Variants in NWD1 observed in about 807,000 individuals in gnomAD.
The protein encoded by NWD1 is NACHT and WD repeat domain containing 1.
NWD1 carries 129 observed loss-of-function variants against 135.1 expected under a neutral mutation model. That is an observed-to-expected ratio of 0.96 (90% CI 0.83 to 1.11). The LOEUF is 1.11. Among genes scored for constraint, NWD1 ranks in the 50% least tolerant of loss-of-function variants. NWD1 has a pLI of 0.00. For synonymous variants in NWD1, 773 were observed against 786.0 expected, an observed-to-expected ratio of 0.98 and a Z score of 0.28; for missense variants, 1,740 against 1,851.3, an observed-to-expected ratio of 0.94 and a Z score of 1.10.
intron 6 of NWD1, among the ~76,000 whole-genome samples, chr19:16,753,936 T>G (rs143623483): frequency 6.6e-6 from 1 of 151,318 alleles, no homozygotes; most frequent in East Asian, 2.0e-4. Flanking sequence ...ATCTCAATCC[T>G]CCATCCTTCC....
intron 17 of NWD1, chr19:16,801,360 G>T (rs945821519): frequency 3.3e-5 from 5 of 152,268 alleles, no homozygotes; most frequent in African/African-American, 1.2e-4. Context: ...GATCGCTTGA[G>T]CCTGGGAAGT....
Position 16,726,086 on chromosome 19 carries a change from C to T in NWD1, c.-7+1623C>T, listed in dbSNP as rs7246714. 3.0e-3 allele frequency among the ~76,000 whole-genome samples: 463 copies of T among 152,070 alleles called. 7 individuals are homozygous for T. Among genetic ancestry groups the T allele is most frequent in the African/African-American group, 0.01 (417 of 41,484 alleles). ...CAAGTGATTCTCCTGCCTCAGCCTC[C>T]GGAGTAGCTAGGATTACAGGCATGC... On this transcript the variant is annotated intron_variant, in intron 2 of 18. Coordinates refer to ENST00000524140, the MANE Select transcript of NWD1 (RefSeq NM_001007525.5).
intron 7 of NWD1, among the ~76,000 whole-genome samples, chr19:16,761,610 G>A (rs62118251): frequency 0.25 from 37,649 of 151,792 alleles, 5,095 homozygotes; most frequent in Middle Eastern, 0.46. Flanking sequence ...TGATGCACCC[G>A]CCTCAGCCTC....
chr19:16,813,729 G>A (rs577996049), intron 18 of NWD1, among the ~76,000 whole-genome samples: 29 of 151,904 alleles, frequency 1.9e-4, no homozygotes, highest in Non-Finnish European at 4.0e-4. Context: ...CACCCACCTC[G>A]GCCTCCCAAA....
chr19:16,788,699 A>G (rs1346831052), intron 12 of NWD1, among the ~76,000 whole-genome samples: 1 of 152,114 alleles, frequency 6.6e-6, no homozygotes, highest in Non-Finnish European at 1.5e-5. Context: ...TTTTTCTGTA[A>G]GGTTGCAGTA....
At position 16,744,562 on chromosome 19, in the gene NWD1, G is replaced by A; in HGVS notation, c.340G>A (p.Ala114Thr). 1.3e-6 allele frequency: 2 copies of A among 1,535,628 alleles called. No individual in the cohort carries two copies. Among genetic ancestry groups the A allele is most frequent in the Non-Finnish European group, 1.7e-6 (2 of 1,146,644 alleles). ...VARYFQRDEN[A>T]FPPTYVLQAP... Reference sequence around the variant, plus strand: ...ACGATACTTCCAGAGGGACGAGAATGCGTTTCCTCCCACCTACGTCCTGCA... The same window carrying A: ...ACGATACTTCCAGAGGGACGAGAATACGTTTCCTCCCACCTACGTCCTGCA... Residue 114 changes from alanine (A) to threonine (T), a missense_variant, in exon 5 of 19, where the codon GCG becomes ACG. Transcript: ENST00000524140.
intron 11 of NWD1, among the ~76,000 whole-genome samples, chr19:16,774,924 C>T (rs879569922): frequency 6.6e-6 from 1 of 152,022 alleles, no homozygotes; most frequent in Non-Finnish European, 1.5e-5. Flanking sequence ...AAACTGATTC[C>T]TCCATCTACC....
At chr19:16,722,993 C>T (rs189488453) in intron 1 of NWD1, among the ~76,000 whole-genome samples, 15 of 152,214 alleles carry the variant, frequency 9.9e-5, no homozygotes, top group Non-Finnish European at 1.5e-4. Context: ...TGGGAGGGGA[C>T]GACTGAAATC....
At chr19:16,776,590 G>C (rs1040104705) in intron 11 of NWD1, among the ~76,000 whole-genome samples, 4 of 148,838 alleles carry the variant, frequency 2.7e-5, no homozygotes, top group Non-Finnish European at 5.9e-5. Flanking sequence ...AAAATGAAAA[G>C]TATGAGTTAA....
At chr19:16,721,521 T>G (rs1967135731) in intron 1 of NWD1, 1 of 151,696 alleles carries the variant, frequency 6.6e-6, no homozygotes, top group Non-Finnish European at 1.5e-5. Context: ...ATCAGAAGAT[T>G]GGGGAGGAGG....
chr19:16,811,457 G>A (rs780980424), intron 18 of NWD1, among the ~76,000 whole-genome samples: 9 of 151,854 alleles, frequency 5.9e-5, no homozygotes, highest in Non-Finnish European at 8.8e-5. Context: ...GGTGGTGCAT[G>A]CCTGTAATCC....
At chr19:16,799,821 CG>C in intron 16 of NWD1, 64 bp from the exon 17 acceptor site, 1 of 1,461,830 alleles carries the variant, frequency 6.8e-7, no homozygotes, top group East Asian at 2.3e-5. Context: ...TGGGCTGAAG[CG>C]TATTTCTGAA....
At chr19:16,776,523 G>A (rs569657860) in intron 11 of NWD1, among the ~76,000 whole-genome samples, 8 of 150,658 alleles carry the variant, frequency 5.3e-5, no homozygotes, top group East Asian at 1.9e-4. Context: ...AGCGGAGATC[G>A]TTCCACTGCA....
intron 6 of NWD1, 94 bp from the exon 7 acceptor site, chr19:16,759,131 C>A: frequency 1.0e-6 from 1 of 985,156 alleles, no homozygotes; most frequent in Non-Finnish European, 1.6e-6. Context: ...GGACACCGCG[C>A]GGGTGGCTGT....
In NWD1 at chr19:16,786,691, C is replaced by T. The variant is rs529633115; in HGVS notation, c.2732-2291C>T. Among the ~76,000 whole-genome samples the T allele has an allele frequency of 3.3e-5, 5 of 152,030 alleles. No homozygotes were observed. The South Asian group carries it at 6.2e-4, about 19-fold the overall frequency. On this transcript the variant is annotated intron_variant, in intron 12 of 18. Transcript: ENST00000524140. ...CTTCCCGAGGAGCTGGGATTACAGG[C>T]GCACACCACCACACCCAGCTAACTT...
In NWD1 at chr19:16,734,559, CT is replaced by C. The variant is rs58061957; in HGVS notation, c.82-2064del. On this transcript the variant is annotated intron_variant, in intron 3 of 18. Coordinates refer to ENST00000524140, the MANE Select transcript of NWD1 (RefSeq NM_001007525.5). ...CAAAAAAAAAAAAAAGATTTTCTTT[CT>C]TTTTTTTTTTCTTTTTTCTTTTTCT... Among the ~76,000 whole-genome samples the C allele has an allele frequency of 4.3e-4, 59 of 137,030 alleles. No individual in the cohort carries two copies. In the Middle Eastern group the frequency reaches 0.015, roughly 35 times the overall value. 89.9% of individuals were successfully genotyped at this position (137,030 alleles called of 152,430 possible). A position where few individuals can be genotyped will look rare whatever the true frequency, so the allele number is the denominator to read the frequency against.
intron 17 of NWD1, among the ~76,000 whole-genome samples, chr19:16,804,724 T>C (rs1192668440): frequency 6.6e-6 from 1 of 152,034 alleles, no homozygotes; most frequent in African/African-American, 2.4e-5. Context: ...TTAAATTTGG[T>C]ATCTGGTGAG....
chr19:16,798,108 A>G (rs1467251087), intron 16 of NWD1, among the ~76,000 whole-genome samples: 1 of 152,154 alleles, frequency 6.6e-6, no homozygotes, highest in Non-Finnish European at 1.5e-5. Context: ...TCCCAAACTG[A>G]TCCTCAAACC....
At chr19:16,736,542 TGAAA>T in intron 3 of NWD1, 88 bp from the exon 4 acceptor site, 1 of 852,662 alleles carries the variant, frequency 1.2e-6, no homozygotes, top group African/African-American at 1.7e-5. Context: ...CAAAAATTTT[TGAAA>T]GAAACTTTCT....
Sources: allele counts gnomAD v4.1 joint callset (sites outside exome capture counted in the v4.1 genomes callset), GRCh38; gene constraint gnomAD v4.1.1; transcripts MANE v1.5; gene names NCBI Gene and HGNC (gene_info 2026-07-23, HGNC 2026-07-21).